USP39: variants seen among roughly 807,000 people sequenced by gnomAD.
USP39 encodes the protein ubiquitin carboxyl-terminal hydrolase 39.
A neutral mutation model predicts 66.4 loss-of-function variants in USP39; 38 were observed. That is an observed-to-expected ratio of 0.57 (90% confidence interval 0.44 to 0.75). The LOEUF (loss-of-function observed/expected upper bound fraction) is 0.75. USP39 is among the 30% of genes least tolerant of loss of function. The probability of loss-of-function intolerance (pLI) is 0.00; values close to 1 mark genes in which losing one functional copy is unlikely to be tolerated. For missense variants in USP39, 608 were observed against 714.4 expected (o/e 0.85, Z 1.70); for synonymous variants, 303 against 274.6 (o/e 1.10, Z -1.02).
At chr2:85,609,443 C>T (rs760612952), upstream of USP39, 11 of 1,613,974 alleles carry the variant, frequency 6.8e-6, no homozygotes, top group South Asian at 3.3e-5. Flanking sequence ...ACCTGATAGA[C>T]GATAACTGAT....
chr2:85,603,567 GTTTCTTTTTTTTTTACTTTTTCTT>G (rs1186487080), intron 1 of USP39, among the ~76,000 whole-genome samples: 1 of 150,900 alleles, frequency 6.6e-6, no homozygotes, highest in Non-Finnish European at 1.5e-5. Context: ...ATTCCTGGAT[GTTTCTTTTTTTTTTACTTTTTCTT>G]TTTCTTTTTT....
At chr2:85,603,665 C>T (rs999025702) in intron 1 of USP39, among the ~76,000 whole-genome samples, 1 of 150,936 alleles carries the variant, frequency 6.6e-6, no homozygotes, top group African/African-American at 2.4e-5. Flanking sequence ...GATCTCGGCT[C>T]ACTGTAAGCT....
intron 1 of USP39, 127 bp downstream of exon 1, chr2:85,616,590 G>A (rs891717736): frequency 5.6e-5 from 77 of 1,379,034 alleles, no homozygotes; most frequent in Admixed American, 3.3e-4. Context: ...GTGGAGAAGA[G>A]GAGGGATCCA....
Position 85,616,242 on chromosome 2 carries a change from A to C in USP39, c.47A>C (p.Lys16Thr), listed in dbSNP as rs773271024. 6.7e-7 allele frequency: 1 copy of C among 1,495,542 alleles called. No individual in the cohort carries two copies. The highest frequency in any genetic ancestry group is 1.4e-5 in the African/African-American group (1 of 69,240). The allele number at this position is 1,495,542 out of a possible 1,614,324, so 92.6% of individuals were successfully genotyped here. A position where few individuals can be genotyped will look rare whatever the true frequency, so the allele number is the denominator to read the frequency against. ...KRESRGSTRG[K>T]RESESRGSSG... ...GAGTCTCGCGGTTCCACTCGCGGGA[A>C]GCGAGAGTCTGAGTCGCGGGGCAGC... Residue 16 changes from lysine to threonine, a missense_variant, in exon 1 of 13, where the codon AAG becomes ACG. Lys to Thr is a moderately conservative substitution (Grantham distance 78). Transcript: ENST00000323701.
intron 1 of USP39, among the ~76,000 whole-genome samples, chr2:85,604,679 C>A (rs1673154189): frequency 6.6e-6 from 1 of 152,252 alleles, no homozygotes. Context: ...CAAGGGTGTG[C>A]TTCCTTGCTA....
intron 6 of USP39, among the ~76,000 whole-genome samples, chr2:85,634,746 C>T (rs1407973924): frequency 6.6e-6 from 1 of 152,072 alleles, no homozygotes; most frequent in Non-Finnish European, 1.5e-5. Flanking sequence ...ATTAAGGCTG[C>T]AAGAAAGGAA....
upstream of USP39, chr2:85,611,836 G>C: frequency 1.2e-6 from 2 of 1,603,698 alleles, no homozygotes; most frequent in Admixed American, 3.4e-5. Flanking sequence ...GGCCAGGCCA[G>C]GCCAGGAGTG....
chr2:85,636,233 C>T (rs942149466), intron 7 of USP39, 103 bp downstream of exon 7: 45 of 1,088,974 alleles, frequency 4.1e-5, no homozygotes, highest in African/African-American at 6.3e-5. Context: ...TTTGAGAGGC[C>T]GAGGTGGGTG....
chr2:85,616,825 C>T (rs184408137), intron 1 of USP39, among the ~76,000 whole-genome samples: 5 of 151,576 alleles, frequency 3.3e-5, no homozygotes, highest in Admixed American at 6.6e-5. Context: ...TTACAGGCGC[C>T]CACCACCGCT....
At chr2:85,608,661 G>A (rs1180337289), upstream of USP39, 1 of 251,546 alleles carries the variant, frequency 4.0e-6, no homozygotes, top group Non-Finnish European at 7.0e-6. Context: ...GTTCTCCCTG[G>A]AGTCTCTGCT....
At chr2:85,637,238 T>C in intron 7 of USP39, 131 bp from the exon 8 acceptor site, 2 of 868,902 alleles carry the variant, frequency 2.3e-6, no homozygotes, top group Non-Finnish European at 3.7e-6. Flanking sequence ...AGGAAACTTC[T>C]GTGTTTAGTG....
chr2:85,609,639 C>G, upstream of USP39: 1 of 1,604,520 alleles, frequency 6.2e-7, no homozygotes. Flanking sequence ...GCTGAAGGCC[C>G]TGTCCATAGA....
rs1674795703 is a variant in USP39, at chr2:85,625,649, G to A, written c.681G>A (p.Leu227=). The stretch of plus-strand genomic sequence containing the variant: ...CTTACCTGCCGGGTATTGTGGGACT[G>A]AATAACATAAAGGCCAATGATTATG... ...GTTYLPGIVG[L]NNIKANDYAN... Residue 227 remains leucine, a synonymous_variant, in exon 5 of 13, where the codon CTG becomes CTA. Coordinates refer to ENST00000323701, the MANE Select transcript of USP39 (RefSeq NM_006590.4). 3 of 1,613,930 alleles carry A rather than the reference G, an allele frequency of 1.9e-6. No homozygotes were observed. Among genetic ancestry groups the A allele is most frequent in the Non-Finnish European group, 2.5e-6 (3 of 1,179,878 alleles).
At chr2:85,643,648 C>CTT (rs34391423) in intron 10 of USP39, among the ~76,000 whole-genome samples, 4 of 139,420 alleles carry the variant, frequency 2.9e-5, no homozygotes, top group Admixed American at 1.4e-4. Flanking sequence ...CTCATATCTC[C>CTT]TTTTTTTTTT....
intron 5 of USP39, among the ~76,000 whole-genome samples, chr2:85,627,050 A>G (rs2104279109): frequency 6.7e-6 from 1 of 150,078 alleles, no homozygotes; most frequent in Middle Eastern, 3.5e-3. Flanking sequence ...CCCATCCCTT[A>G]TTTTCAATTA....
chr2:85,607,586 T>C (rs1181092691), upstream of USP39: 1 of 152,224 alleles, frequency 6.6e-6, no homozygotes, highest in Non-Finnish European at 1.5e-5. Context: ...TTGACACATT[T>C]TAATGACAAG....
upstream of USP39, among the ~76,000 whole-genome samples, chr2:85,615,551 G>C (rs1673862076): frequency 6.6e-6 from 1 of 152,136 alleles, no homozygotes; most frequent in Non-Finnish European, 1.5e-5. Flanking sequence ...TTCCTGTGCA[G>C]GATTGTCAGC....
intron 2 of USP39, among the ~76,000 whole-genome samples, chr2:85,620,760 G>A (rs1052659287): frequency 6.6e-6 from 1 of 152,128 alleles, no homozygotes; most frequent in Non-Finnish European, 1.5e-5. Context: ...TAGCCACTTT[G>A]TCTAGTGGCC....
chr2:85,619,378 C>A, intron 2 of USP39, 89 bp downstream of exon 2: 1 of 1,393,190 alleles, frequency 7.2e-7, no homozygotes, highest in Non-Finnish European at 9.9e-7. Context: ...AACACATTGA[C>A]AAACTTTACT....
Sources: gnomAD v4.1 joint callset for allele counts (sites outside exome capture counted in the v4.1 genomes callset) on GRCh38, gnomAD v4.1.1 for gene constraint, MANE v1.5 for transcripts, NCBI Gene and HGNC (gene_info 2026-07-23, HGNC 2026-07-21) for gene names.